Variants in MYLK observed in about 807,000 individuals in gnomAD.
MYLK encodes the protein myosin light chain kinase, smooth muscle.
In MYLK, 106 loss-of-function variants were observed where a neutral mutation model predicts 203.4. That is an observed-to-expected ratio of 0.52 (90% CI 0.45 to 0.61). The LOEUF is 0.61. MYLK is among the 20% of genes least tolerant of loss of function. The probability of loss-of-function intolerance (pLI) is 0.00; values close to 1 mark genes in which losing one functional copy is unlikely to be tolerated. For synonymous variants in MYLK, 867 were observed against 959.5 expected (o/e 0.90, Z 1.78); for missense variants, 2,072 against 2,442.3 (o/e 0.85, Z 3.20).
At chr3:123,757,409 C>T (rs1341770078) in intron 4 of MYLK, among the ~76,000 whole-genome samples, 1 of 152,070 alleles carries the variant, frequency 6.6e-6, no homozygotes, top group African/African-American at 2.4e-5. Context: ...CAGGGCCTGG[C>T]GCAATGCACA....
At chr3:123,684,215 G>T (rs1390541041) in intron 19 of MYLK, among the ~76,000 whole-genome samples, 1 of 152,148 alleles carries the variant, frequency 6.6e-6, no homozygotes, top group Non-Finnish European at 1.5e-5. Context: ...CACCCCACAG[G>T]TCCTGGTTTC....
At chr3:123,809,774 C>T (rs2065492112) in intron 3 of MYLK, among the ~76,000 whole-genome samples, 1 of 152,182 alleles carries the variant, frequency 6.6e-6, no homozygotes, top group Non-Finnish European at 1.5e-5. Flanking sequence ...TAGTGATGAG[C>T]TAAGCCTTGT....
At chr3:123,767,188 T>C (rs1047670200) in intron 4 of MYLK, among the ~76,000 whole-genome samples, 1 of 152,226 alleles carries the variant, frequency 6.6e-6, no homozygotes, top group African/African-American at 2.4e-5. Flanking sequence ...GCTGAGCCAC[T>C]GTTAGACAAA....
chr3:123,806,280 GA>G (rs1473870856), intron 3 of MYLK, among the ~76,000 whole-genome samples: 7 of 152,172 alleles, frequency 4.6e-5, no homozygotes, highest in African/African-American at 1.7e-4. Flanking sequence ...TATGGATGAG[GA>G]AACTAGGGTC....
intron 5 of MYLK, among the ~76,000 whole-genome samples, chr3:123,749,332 G>A (rs943004346): frequency 1.3e-5 from 2 of 152,000 alleles, no homozygotes; most frequent in African/African-American, 2.4e-5. Flanking sequence ...CTACAGGACA[G>A]GTCTGTGGTC....
intron 16 of MYLK, among the ~76,000 whole-genome samples, chr3:123,702,122 T>C (rs1343871498): frequency 6.6e-6 from 1 of 152,220 alleles, no homozygotes; most frequent in Non-Finnish European, 1.5e-5. Flanking sequence ...GGATTCTTCA[T>C]GTCCATAAAC....
chr3:123,726,009 T>C lies in MYLK; in HGVS notation c.1586A>G (p.Gln529Arg), dbSNP rs1325399795. The change falls in exon 12 of 34, where the codon CAG becomes CGG. Residue 529 changes from glutamine (Q) to arginine (R), a missense_variant. Physicochemically the swap from Gln to Arg is conservative, Grantham distance 43. Around this residue, in one of 3 missense-constraint regions of MYLK, gnomAD observed 865 missense variants for 1,016.0 expected, o/e 0.85. Coordinates refer to ENST00000360304, the MANE Select transcript of MYLK (RefSeq NM_053025.4). ...TACGGAGCACTGCAGCACAAAATCC[T>C]GGCCCTCAATAACAGCGCAGTCCTT... ...VLKDCAVIEG[Q>R]DFVLQCSVRG... is the part of the protein sequence containing the mutation. The C allele has an allele frequency of 7.4e-6, 12 of 1,614,216 alleles. No individual in the cohort carries two copies. The South Asian group carries it at 1.3e-4, about 18-fold the overall frequency.
At chr3:123,692,507 C>A in intron 19 of MYLK, 2 of 891,004 alleles carry the variant, frequency 2.2e-6, no homozygotes, top group Non-Finnish European at 3.3e-6. Flanking sequence ...GACAGGACAG[C>A]CAGGGGAGGG....
At chr3:123,802,229 C>G (rs568243180) in intron 3 of MYLK, among the ~76,000 whole-genome samples, 1 of 152,202 alleles carries the variant, frequency 6.6e-6, no homozygotes, top group Non-Finnish European at 1.5e-5. Context: ...ACAGCCTGCC[C>G]GGGGTACAAT....
In MYLK at chr3:123,884,325, G is replaced by T. The variant is rs1224248018; in HGVS notation, c.-305C>A. 2 of 138,704 alleles carry T rather than the reference G, an allele frequency of 1.4e-5. No homozygotes were observed. Among genetic ancestry groups the T allele is most frequent in the Non-Finnish European group, 3.1e-5 (2 of 65,256 alleles). 8.6% of individuals were successfully genotyped at this position (138,704 alleles called of 1,614,324 possible). ...GCCCTGCTGCCGACCGGGCGGCGCG[G>T]GGAGCCCGCGAGGCGCGTCCGGGAC... On this transcript the variant is annotated 5_prime_UTR_variant, in exon 1 of 34. Transcript: ENST00000360304.
intron 3 of MYLK, among the ~76,000 whole-genome samples, chr3:123,811,689 T>C (rs1425274099): frequency 1.3e-5 from 2 of 152,126 alleles, no homozygotes; most frequent in African/African-American, 4.8e-5. Context: ...ACAAGATTGG[T>C]ATAGTGCTCT....
intron 31 of MYLK, chr3:123,624,621 G>C (rs942845006): frequency 3.3e-5 from 5 of 152,250 alleles, no homozygotes; most frequent in African/African-American, 1.2e-4. Context: ...CTGGCTACAG[G>C]ATTATTAATA....
At chr3:123,684,640 AG>A (rs956600993) in intron 19 of MYLK, among the ~76,000 whole-genome samples, 2 of 151,930 alleles carry the variant, frequency 1.3e-5, no homozygotes, top group African/African-American at 2.4e-5. Context: ...TCTGCCTCCC[AG>A]GTTCAAGTGA....
chr3:123,634,882 G>A lies in MYLK; in HGVS notation c.4961+3189C>T, dbSNP rs555223951. Among the ~76,000 whole-genome samples the A allele has an allele frequency of 2.0e-5, 3 of 152,364 alleles. No homozygotes were observed. In the South Asian group the frequency reaches 6.2e-4, roughly 32 times the overall value. On this transcript the variant is annotated intron_variant, in intron 29 of 33. Transcript: ENST00000360304. ...TCTCTGGTATTCTCACTTCCTGCCA[G>A]AAACCACATGGGTATTGCTAACTTC...
intron 3 of MYLK, among the ~76,000 whole-genome samples, chr3:123,798,060 C>G (rs1347967025): frequency 6.6e-6 from 1 of 152,212 alleles, no homozygotes; most frequent in Non-Finnish European, 1.5e-5. Context: ...CCCGCAGCAC[C>G]TTTGTGTCTG....
At chr3:123,646,388 C>T (rs748735539) in intron 27 of MYLK, among the ~76,000 whole-genome samples, 2 of 152,064 alleles carry the variant, frequency 1.3e-5, no homozygotes, top group Non-Finnish European at 2.9e-5. Flanking sequence ...CTGTGTATTT[C>T]CTAATATTTT....
rs147634188 is a variant in MYLK at position 123,882,911 on chromosome 3, G to A, written c.-186+1295C>T. Among the ~76,000 whole-genome samples the A allele has an allele frequency of 6.6e-5, 10 of 152,346 alleles. No individual in the cohort carries two copies. The East Asian group carries it at 1.9e-3, about 29-fold the overall frequency. ...GAGACTAAGAGAATCACGGAAGAGA[G>A]AAGGAGGTCAAGAATTTAAGAGAAA... On this transcript the variant is annotated intron_variant, in intron 1 of 33. Coordinates refer to ENST00000360304, the MANE Select transcript of MYLK (RefSeq NM_053025.4).
chr3:123,811,477 G>A (rs1255964135), intron 3 of MYLK, among the ~76,000 whole-genome samples: 1 of 152,138 alleles, frequency 6.6e-6, no homozygotes, highest in Non-Finnish European at 1.5e-5. Context: ...CAGGAAAGTG[G>A]GATGGAAAAT....
At chr3:123,616,111 A>T (rs533076084) in intron 33 of MYLK, among the ~76,000 whole-genome samples, 2 of 152,328 alleles carry the variant, frequency 1.3e-5, no homozygotes, top group South Asian at 4.1e-4. Context: ...CATTTAAAAT[A>T]GGTGAATTTT....
Sources: gnomAD v4.1 joint callset for allele counts (sites outside exome capture counted in the v4.1 genomes callset) on GRCh38, gnomAD v4.1.1 for gene constraint, gnomAD v4.1.1 regional missense constraint, MANE v1.5 for transcripts, NCBI Gene and HGNC (gene_info 2026-07-23, HGNC 2026-07-21) for gene names.